The following QSOX1 variants were observed in gnomAD, a reference collection of about 807,000 sequenced individuals.
The protein encoded by QSOX1 is quiescin sulfhydryl oxidase 1.
Under a neutral mutation model 76.1 loss-of-function variants are expected in QSOX1, and 40 were observed. The observed-to-expected ratio is 0.53, with a 90% CI of 0.41 to 0.68. QSOX1 has a LOEUF of 0.68. Ranked by LOEUF, QSOX1 falls within the 30% of genes least tolerant of loss-of-function variation. The pLI, the probability that QSOX1 is intolerant of heterozygous loss-of-function variation, is 0.00. For synonymous variants in QSOX1, 392 were observed against 413.1 expected (o/e 0.95, Z 0.62); for missense variants, 931 against 974.3 (o/e 0.96, Z 0.59).
At chr1:180,172,059 A>T (rs1462130122) in intron 2 of QSOX1, among the ~76,000 whole-genome samples, 1 of 152,176 alleles carries the variant, frequency 6.6e-6, no homozygotes, top group Non-Finnish European at 1.5e-5. Flanking sequence ...CTGAGGAGCA[A>T]GGGCAGACGC....
chr1:180,197,007 G>C lies in QSOX1; in HGVS notation c.2214G>C (p.Leu738=). ...ACTTCCAGGCCAAGATAAGGGCCCTGAAGGGCCATGCTGGCCACCCTGCAG... is the reference window on the plus strand; with the variant it reads ...ACTTCCAGGCCAAGATAAGGGCCCTCAAGGGCCATGCTGGCCACCCTGCAG... ...YTYFQAKIRA[L]KGHAGHPAA Residue 738 remains leucine, a synonymous_variant, in exon 12 of 12, where the codon CTG becomes CTC. Transcript: ENST00000367602. 6.2e-7 allele frequency: 1 copy of C among 1,611,908 alleles called. No individual in the cohort carries two copies. The highest frequency in any genetic ancestry group is 8.5e-7 in the Non-Finnish European group (1 of 1,178,948).
At chr1:180,163,083 AGGACC>A (rs2149230170) in intron 1 of QSOX1, among the ~76,000 whole-genome samples, 1 of 151,972 alleles carries the variant, frequency 6.6e-6, no homozygotes, top group East Asian at 1.9e-4. Flanking sequence ...TTTAACAGAG[AGGACC>A]AAATTCTGAT....
chr1:180,170,604 A>G (rs1396877268), intron 2 of QSOX1, among the ~76,000 whole-genome samples: 1 of 152,200 alleles, frequency 6.6e-6, no homozygotes, highest in East Asian at 1.9e-4. Context: ...GTGATGAAAG[A>G]AAAGGGCTGG....
At chr1:180,192,284 G>A (rs536619805) in intron 10 of QSOX1, among the ~76,000 whole-genome samples, 19 of 152,300 alleles carry the variant, frequency 1.2e-4, no homozygotes, top group Admixed American at 4.6e-4. Context: ...GGCCGGGGGC[G>A]GAGGTGAGCG....
At chr1:180,193,357 A>G (rs1278145282) in intron 10 of QSOX1, among the ~76,000 whole-genome samples, 1 of 151,684 alleles carries the variant, frequency 6.6e-6, no homozygotes, top group East Asian at 2.0e-4. Context: ...TGCTGGGTGC[A>G]GAAGAACAAG....
rs1194971303 is a variant in QSOX1 at position 180,166,697 on chromosome 1, C to T, written c.366+106C>T. 3.6e-6 allele frequency: 4 copies of T among 1,101,066 alleles called. No individual in the cohort carries two copies. The African/African-American group carries it at 6.2e-5, about 17-fold the overall frequency. The allele number at this position is 1,101,066 out of a possible 1,614,324, so 68.2% of individuals were successfully genotyped here. The stretch of plus-strand genomic sequence containing the variant: ...TCGGGATGGGCAGATTTCAGCTGCT[C>T]TGATTTGAGCTGGGAGGTGATCATC... On this transcript the variant is annotated intron_variant, in intron 2 of 11. Transcript: ENST00000367602.
Position 180,167,076 on chromosome 1 carries a change from G to A in QSOX1, c.366+485G>A, listed in dbSNP as rs144067170. Among the ~76,000 whole-genome samples the A allele has an allele frequency of 3.9e-3, 601 of 152,354 alleles. 2 individuals carry two copies. The highest frequency in any genetic ancestry group is 5.7e-3 in the Non-Finnish European group (386 of 68,028). On this transcript the variant is annotated intron_variant, in intron 2 of 11. Transcript: ENST00000367602. ...TGAGGGCTTTGTCACCCCCGCTCTG[G>A]TGGAAAGTGGCACGAGATCTCTGAT...
At chr1:180,159,659 C>T (rs1662450622) in intron 1 of QSOX1, among the ~76,000 whole-genome samples, 1 of 152,192 alleles carries the variant, frequency 6.6e-6, no homozygotes, top group African/African-American at 2.4e-5. Context: ...GCAGAGGAGA[C>T]TTCTGTATGT....
chr1:180,168,471 A>C (rs1325188558), intron 2 of QSOX1, among the ~76,000 whole-genome samples: 3 of 152,240 alleles, frequency 2.0e-5, no homozygotes, highest in African/African-American at 7.2e-5. Context: ...CCATAGGCCA[A>C]GTGGCTTGAG....
intron 1 of QSOX1, among the ~76,000 whole-genome samples, chr1:180,161,283 G>A (rs1328718565): frequency 6.6e-6 from 1 of 152,200 alleles, no homozygotes; most frequent in Non-Finnish European, 1.5e-5. Flanking sequence ...GATTGACCAC[G>A]TAGGCTCTTC....
intron 1 of QSOX1, among the ~76,000 whole-genome samples, chr1:180,165,147 A>AGGTGG (rs1662585607): frequency 6.6e-6 from 1 of 152,232 alleles, no homozygotes; most frequent in Admixed American, 6.5e-5. Context: ...AGACCATATC[A>AGGTGG]GGTGGGGTCA....
chr1:180,171,677 A>G (rs1435220617), intron 2 of QSOX1, among the ~76,000 whole-genome samples: 1 of 152,218 alleles, frequency 6.6e-6, no homozygotes, highest in East Asian at 1.9e-4. Flanking sequence ...CTTTTTAAAC[A>G]GAAGAGTGTC....
At position 180,199,508 on chromosome 1, in the gene QSOX1, A is replaced by G. The variant is rs1415145440; in HGVS notation, c.*2471A>G. 6.6e-6 allele frequency: 1 copy of G among 152,232 alleles called. No individual in the cohort carries two copies. The highest frequency in any genetic ancestry group is 2.4e-5 in the African/African-American group (1 of 41,454). 9.4% of individuals were successfully genotyped at this position (152,232 alleles called of 1,614,324 possible). A position where few individuals can be genotyped will look rare whatever the true frequency, so the allele number is the denominator to read the frequency against. ...TTTGAAAGACGAGTAGGTGTTAGCA[A>G]GGAAATAAGGAGGAACGGGGGTTAC... On this transcript the variant is annotated 3_prime_UTR_variant, in exon 12 of 12. Coordinates refer to ENST00000367602, the MANE Select transcript of QSOX1 (RefSeq NM_002826.5).
At chr1:180,180,001 T>TG (rs1662989919) in intron 5 of QSOX1, among the ~76,000 whole-genome samples, 1 of 152,210 alleles carries the variant, frequency 6.6e-6, no homozygotes, top group Non-Finnish European at 1.5e-5. Context: ...ACCAAGGGGC[T>TG]GGGGTCCCAG....
chr1:180,173,652 G>A (rs1352108269), intron 2 of QSOX1, among the ~76,000 whole-genome samples: 1 of 152,090 alleles, frequency 6.6e-6, no homozygotes, highest in Non-Finnish European at 1.5e-5. Flanking sequence ...TGTGGGAGAG[G>A]GTAGCAGGTG....
rs10913939 is a variant in QSOX1, at chr1:180,175,350, G to A, written c.396G>A (p.Ser132=). 0.15 allele frequency: 236,315 copies of A among 1,613,412 alleles called. 18,684 individuals carry two copies. Among genetic ancestry groups the A allele is most frequent in the South Asian group, 0.16 (14,368 of 91,052 alleles). Reference sequence around the variant, plus strand: ...TCAAGGCCTTTACCAAGAACGGCTCGGGAGCAGTATTTCCAGGTGGGTGCC... The same window carrying A: ...TCAAGGCCTTTACCAAGAACGGCTCAGGAGCAGTATTTCCAGGTGGGTGCC... ...RFFKAFTKNG[S]GAVFPVAGAD... The change falls in exon 3 of 12, where the codon TCG becomes TCA. Residue 132 remains serine, a synonymous_variant. Coordinates refer to ENST00000367602, the MANE Select transcript of QSOX1 (RefSeq NM_002826.5).
In QSOX1 at chr1:180,154,902, C is replaced by T; in HGVS notation, c.-6C>T. The T allele has an allele frequency of 1.4e-6, 2 of 1,432,604 alleles. No individual in the cohort carries two copies. The highest frequency in any genetic ancestry group is 1.4e-5 in the South Asian group (1 of 69,902). The allele number at this position is 1,432,604 out of a possible 1,614,324, so 88.7% of individuals were successfully genotyped here. The stretch of plus-strand genomic sequence containing the variant: ...CTTGCGTGTGGTGGTGAGCGCAGCG[C>T]CGAGGATGAGGAGGTGCAACAGCGG... On this transcript the variant is annotated 5_prime_UTR_variant, in exon 1 of 12. Coordinates refer to ENST00000367602, the MANE Select transcript of QSOX1 (RefSeq NM_002826.5).
chr1:180,176,276 G>T (rs903197993), intron 4 of QSOX1, among the ~76,000 whole-genome samples: 1 of 152,200 alleles, frequency 6.6e-6, no homozygotes, highest in Non-Finnish European at 1.5e-5. Context: ...CTGACTGATG[G>T]TGCAAGGGTC....
intron 3 of QSOX1, 70 bp downstream of exon 3, chr1:180,175,436 A>C: frequency 6.5e-7 from 1 of 1,532,026 alleles, no homozygotes; most frequent in East Asian, 2.2e-5. Context: ...CTGGGTTTCT[A>C]TTGGGGTGGA....
Sources: gnomAD v4.1 joint callset for allele counts (sites outside exome capture counted in the v4.1 genomes callset) on GRCh38, gnomAD v4.1.1 for gene constraint, MANE v1.5 for transcripts, NCBI Gene and HGNC (gene_info 2026-07-23, HGNC 2026-07-21) for gene names.